RFX7: variants seen among roughly 807,000 people sequenced by gnomAD.
RFX7 encodes DNA-binding protein RFX7.
A neutral mutation model predicts 111.8 loss-of-function variants in RFX7; 26 were observed. The ratio of observed to expected loss-of-function variants is 0.23; its 90% CI spans 0.17 to 0.32. The LOEUF is 0.32. Ranked by LOEUF, RFX7 falls within the 10% of genes least tolerant of loss-of-function variation. The pLI is 1.00. For synonymous variants in RFX7, 624 were observed against 624.4 expected (o/e 1.00, Z 0.01); for missense variants, 1,573 against 1,772.9 (o/e 0.89, Z 2.02).
intron 2 of RFX7, among the ~76,000 whole-genome samples, chr15:56,212,317 C>A (rs943253532): frequency 5.3e-5 from 8 of 152,050 alleles, no homozygotes; most frequent in Non-Finnish European, 1.2e-4. Flanking sequence ...ACTACAGAGA[C>A]AGTACAAAGA....
intron 3 of RFX7, among the ~76,000 whole-genome samples, chr15:56,155,159 C>T (rs565053798): frequency 9.9e-5 from 15 of 152,212 alleles, no homozygotes; most frequent in Admixed American, 2.0e-4. Flanking sequence ...AAAATAAGAA[C>T]GCTTTTACAG....
At chr15:56,176,036 A>G (rs1001407001) in intron 3 of RFX7, among the ~76,000 whole-genome samples, 7 of 152,192 alleles carry the variant, frequency 4.6e-5, no homozygotes, top group Admixed American at 2.6e-4. Flanking sequence ...TTAAAATAGT[A>G]GTGTTGCTAG....
intron 1 of RFX7, 76 bp downstream of exon 1, chr15:56,243,369 G>T (rs1315465004): frequency 6.5e-5 from 58 of 887,908 alleles, no homozygotes; most frequent in South Asian, 1.3e-4. Flanking sequence ...GAGGACGAAG[G>T]GGGGAGAGGA....
intron 2 of RFX7, among the ~76,000 whole-genome samples, chr15:56,216,077 T>C (rs2043360475): frequency 6.6e-6 from 1 of 152,220 alleles, no homozygotes; most frequent in African/African-American, 2.4e-5. Context: ...TGTCTGCTTT[T>C]CTTCTGTTAG....
At chr15:56,194,047 A>G (rs1400060512) in intron 2 of RFX7, among the ~76,000 whole-genome samples, 1 of 152,190 alleles carries the variant, frequency 6.6e-6, no homozygotes, top group East Asian at 1.9e-4. Context: ...AATGTAAGCA[A>G]TAGTATCACA....
chr15:56,181,753 G>A (rs1328749577), intron 2 of RFX7, among the ~76,000 whole-genome samples: 1 of 152,194 alleles, frequency 6.6e-6, no homozygotes, highest in African/African-American at 2.4e-5. Context: ...TAAGGAGGAT[G>A]GTTCTATCCA....
chr15:56,137,081 T>C (rs1403452214), intron 5 of RFX7, among the ~76,000 whole-genome samples: 1 of 152,214 alleles, frequency 6.6e-6, no homozygotes, highest in African/African-American at 2.4e-5. Flanking sequence ...AAATTCTTTT[T>C]TTGTTATGTC....
chr15:56,154,591 A>T (rs534072773), intron 3 of RFX7, among the ~76,000 whole-genome samples: 170 of 152,358 alleles, frequency 1.1e-3, no homozygotes, highest in African/African-American at 4.0e-3. Flanking sequence ...TAGAAAGCTG[A>T]AACTGGATCC....
intron 2 of RFX7, among the ~76,000 whole-genome samples, chr15:56,219,789 A>C (rs2043404667): frequency 6.6e-6 from 1 of 152,056 alleles, no homozygotes; most frequent in African/African-American, 2.4e-5. Context: ...GGTTGATTCC[A>C]TGTCTTTGTT....
chr15:56,239,643 C>T (rs1051340661), intron 2 of RFX7, among the ~76,000 whole-genome samples: 1 of 152,096 alleles, frequency 6.6e-6, no homozygotes, highest in East Asian at 1.9e-4. Context: ...GCACTAAAAA[C>T]GTTTGGGATT....
chr15:56,232,589 GT>G (rs34733307), intron 2 of RFX7, among the ~76,000 whole-genome samples: 19,808 of 152,164 alleles, frequency 0.13, 1,691 homozygotes, highest in East Asian at 0.44. Context: ...CAGAAAAGGG[GT>G]TTTTCTTTTC....
chr15:56,181,459 A>G (rs1304367881), intron 2 of RFX7, among the ~76,000 whole-genome samples: 1 of 152,146 alleles, frequency 6.6e-6, no homozygotes, highest in Non-Finnish European at 1.5e-5. Flanking sequence ...TTTACCAGCT[A>G]TCTTCCTTGA....
At chr15:56,244,391 G>C (rs2043786967), upstream of RFX7, 1 of 152,164 alleles carries the variant, frequency 6.6e-6, no homozygotes, top group Admixed American at 6.5e-5. Flanking sequence ...GAGCTGGGTT[G>C]AGTGCTCCTC....
At chr15:56,223,208 G>T (rs1346919787) in intron 2 of RFX7, among the ~76,000 whole-genome samples, 1 of 152,078 alleles carries the variant, frequency 6.6e-6, no homozygotes, top group Admixed American at 6.5e-5. Flanking sequence ...CCCTGCACAC[G>T]TGGAGTTCGG....
intron 3 of RFX7, among the ~76,000 whole-genome samples, chr15:56,177,842 T>A (rs1012967085): frequency 6.6e-6 from 1 of 151,852 alleles, no homozygotes; most frequent in Non-Finnish European, 1.5e-5. Flanking sequence ...CTCTTAAGAG[T>A]TGGAAGACAG....
intron 5 of RFX7, among the ~76,000 whole-genome samples, chr15:56,134,023 G>C (rs1373008923): frequency 6.6e-6 from 1 of 152,160 alleles, no homozygotes; most frequent in Non-Finnish European, 1.5e-5. Flanking sequence ...CCAAGTGGAA[G>C]TCCTGGCCAA....
chr15:56,220,550 T>C (rs1219475789), intron 2 of RFX7, among the ~76,000 whole-genome samples: 1 of 151,806 alleles, frequency 6.6e-6, no homozygotes, highest in Non-Finnish European at 1.5e-5. Flanking sequence ...TTTTTTCTGC[T>C]TAATTTAAGT....
In RFX7 at chr15:56,234,356, C is replaced by G. The variant is rs549958844; in HGVS notation, c.161+8769G>C. Among the ~76,000 whole-genome samples, 4 of 152,266 alleles carry G rather than the reference C, an allele frequency of 2.6e-5. No individual in the cohort carries two copies. The South Asian group carries it at 8.3e-4, about 32-fold the overall frequency. ...GTGTACTGAATTCAGTTTTCCCTGA[C>G]TACATGATTCTATAAATTCAGAATT... On this transcript the variant is annotated intron_variant, in intron 2 of 9. Coordinates refer to ENST00000559447, the MANE Select transcript of RFX7 (RefSeq NM_022841.7).
chr15:56,127,240 G>A (rs548907666), intron 5 of RFX7, among the ~76,000 whole-genome samples: 3 of 151,716 alleles, frequency 2.0e-5, no homozygotes, highest in East Asian at 3.9e-4. Context: ...TCAATGGATC[G>A]AAAAAACACA....
Sources: allele counts gnomAD v4.1 joint callset (sites outside exome capture counted in the v4.1 genomes callset), GRCh38; gene constraint gnomAD v4.1.1; transcripts MANE v1.5; gene names NCBI Gene and HGNC (gene_info 2026-07-23, HGNC 2026-07-21).